The following PTPRD variants were observed in gnomAD, a reference collection of about 807,000 sequenced individuals.
The protein encoded by PTPRD is protein tyrosine phosphatase receptor type D.
PTPRD carries 34 observed loss-of-function variants against 214.5 expected under a neutral mutation model. That is an observed-to-expected ratio of 0.16 (90% CI 0.12 to 0.21). PTPRD has a LOEUF of 0.21. PTPRD is among the 10% of genes least tolerant of loss of function. The pLI, the probability that PTPRD is intolerant of heterozygous loss-of-function variation, is 1.00. For synonymous variants in PTPRD, 1,128 were observed against 845.7 expected, an observed-to-expected ratio of 1.33 and a Z score of -5.79; for missense variants, 2,545 against 2,398.7, an observed-to-expected ratio of 1.06 and a Z score of -1.27.
chr9:8,551,691 G>C (rs1012234981), intron 14 of PTPRD, among the ~76,000 whole-genome samples: 1 of 152,160 alleles, frequency 6.6e-6, no homozygotes, highest in African/African-American at 2.4e-5. Context: ...ACTGGAAATT[G>C]CTAACAACAT....
At chr9:9,616,054 G>A (rs2094839189) in intron 7 of PTPRD, among the ~76,000 whole-genome samples, 1 of 152,146 alleles carries the variant, frequency 6.6e-6, no homozygotes, top group Non-Finnish European at 1.5e-5. Context: ...TTAGCCTGTA[G>A]TGCTTATATA....
intron 12 of PTPRD, among the ~76,000 whole-genome samples, chr9:8,658,317 A>G (rs1255829931): frequency 1.3e-5 from 2 of 152,194 alleles, no homozygotes; most frequent in East Asian, 1.9e-4. Context: ...GTTGCAATAA[A>G]TGTTCAATAT....
chr9:9,855,764 G>T (rs1195602637), intron 5 of PTPRD, among the ~76,000 whole-genome samples: 1 of 152,204 alleles, frequency 6.6e-6, no homozygotes, highest in African/African-American at 2.4e-5. Flanking sequence ...CAAACTTTGT[G>T]CGGGCCCCAT....
intron 9 of PTPRD, among the ~76,000 whole-genome samples, chr9:9,349,159 C>A (rs1461277469): frequency 6.6e-6 from 1 of 152,100 alleles, no homozygotes; most frequent in East Asian, 1.9e-4. Context: ...CGACGTAAAT[C>A]TGATCATATC....
chr9:8,343,539 T>G (rs1588171495), intron 39 of PTPRD, among the ~76,000 whole-genome samples: 1 of 152,190 alleles, frequency 6.6e-6, no homozygotes, highest in East Asian at 1.9e-4. Context: ...TTTATTTAGT[T>G]GGTTCTAAAG....
At chr9:10,304,845 T>C (rs2096003787) in intron 3 of PTPRD, among the ~76,000 whole-genome samples, 1 of 152,160 alleles carries the variant, frequency 6.6e-6, no homozygotes, top group Non-Finnish European at 1.5e-5. Context: ...AAGTAATTTA[T>C]AGATTCAATG....
chr9:9,596,371 T>C (rs1202940509), intron 7 of PTPRD, among the ~76,000 whole-genome samples: 1 of 151,984 alleles, frequency 6.6e-6, no homozygotes, highest in African/African-American at 2.4e-5. Flanking sequence ...CGGTAAAATA[T>C]CCAGAGGTAC....
intron 9 of PTPRD, among the ~76,000 whole-genome samples, chr9:9,352,815 T>G (rs573535649): frequency 8.6e-5 from 13 of 151,948 alleles, no homozygotes; most frequent in African/African-American, 3.1e-4. Flanking sequence ...TTCTTAAATA[T>G]GTAGGAAAGG....
At chr9:9,227,997 C>G (rs2099960631) in intron 9 of PTPRD, among the ~76,000 whole-genome samples, 1 of 152,044 alleles carries the variant, frequency 6.6e-6, no homozygotes, top group Non-Finnish European at 1.5e-5. Context: ...CCTATTTTTC[C>G]AAGCATTTCT....
At chr9:9,720,468 AGC>A (rs2097915620) in intron 7 of PTPRD, among the ~76,000 whole-genome samples, 1 of 152,298 alleles carries the variant, frequency 6.6e-6, no homozygotes, top group South Asian at 2.1e-4. Flanking sequence ...AAGGACATGA[AGC>A]CGAAAGTCAG....
rs2097756087 is a variant in PTPRD, at chr9:9,712,518, C to T, written c.-287+22015G>A. Among the ~76,000 whole-genome samples the T allele has an allele frequency of 2.0e-5, 3 of 152,238 alleles. No homozygotes were observed. The South Asian group carries it at 6.2e-4, about 32-fold the overall frequency. ...TGAACCCGCAGGGAAGAAATACTACCCCACGAGTAAAGGTTCCTTCCTCAG... is the reference window on the plus strand; with the variant it reads ...TGAACCCGCAGGGAAGAAATACTACTCCACGAGTAAAGGTTCCTTCCTCAG... On this transcript the variant is annotated intron_variant, in intron 7 of 45. Transcript: ENST00000381196.
chr9:10,324,496 C>T (rs191801430), intron 3 of PTPRD, among the ~76,000 whole-genome samples: 248 of 152,048 alleles, frequency 1.6e-3, no homozygotes, highest in Non-Finnish European at 3.1e-3. Flanking sequence ...TTGTTAGTAT[C>T]AATGTTATTA....
intron 9 of PTPRD, among the ~76,000 whole-genome samples, chr9:9,242,676 T>A (rs1238389000): frequency 6.6e-6 from 1 of 152,222 alleles, no homozygotes; most frequent in Non-Finnish European, 1.5e-5. Context: ...TCTTGTGCCA[T>A]GGTTTTCAGC....
At chr9:10,320,726 TTTTG>T (rs1020032038) in intron 3 of PTPRD, among the ~76,000 whole-genome samples, 4 of 151,962 alleles carry the variant, frequency 2.6e-5, no homozygotes, top group Non-Finnish European at 5.9e-5. Flanking sequence ...ATTCATTGAT[TTTTG>T]TTTGTTTGTT....
intron 2 of PTPRD, among the ~76,000 whole-genome samples, chr9:10,403,008 G>T (rs2098296160): frequency 6.6e-6 from 1 of 151,098 alleles, no homozygotes. Context: ...GAAGAAACTG[G>T]TAGGTAACTC....
intron 5 of PTPRD, among the ~76,000 whole-genome samples, chr9:9,881,668 T>C (rs61557592): frequency 0.015 from 2,239 of 152,238 alleles, 53 homozygotes; most frequent in African/African-American, 0.051. Context: ...GTATGATAGA[T>C]TGGTTGTATT....
At chr9:8,934,442 T>TTA (rs2098977189) in intron 11 of PTPRD, among the ~76,000 whole-genome samples, 1 of 43,576 alleles carries the variant, frequency 2.3e-5, no homozygotes, top group Non-Finnish European at 4.2e-5. Flanking sequence ...TATAAATATA[T>TTA]ATATAAATTT....
chr9:10,345,467 C>G (rs2097057235), intron 2 of PTPRD, among the ~76,000 whole-genome samples: 1 of 151,338 alleles, frequency 6.6e-6, no homozygotes, highest in African/African-American at 2.4e-5. Context: ...TCCACCTGCC[C>G]ATTTGTTCTC....
At chr9:10,175,811 T>C (rs1310556376) in intron 3 of PTPRD, among the ~76,000 whole-genome samples, 1 of 151,954 alleles carries the variant, frequency 6.6e-6, no homozygotes, top group Non-Finnish European at 1.5e-5. Context: ...AATGTTATAC[T>C]CAACACAGTA....
Sources: gnomAD v4.1 joint callset for allele counts (sites outside exome capture counted in the v4.1 genomes callset) on GRCh38, gnomAD v4.1.1 for gene constraint, MANE v1.5 for transcripts, NCBI Gene and HGNC (gene_info 2026-07-23, HGNC 2026-07-21) for gene names.